LGSN: variants seen among roughly 807,000 people sequenced by gnomAD.
LGSN encodes the protein lengsin.
LGSN carries 21 observed loss-of-function variants against 19.5 expected under a neutral mutation model. That is an observed-to-expected ratio of 1.07 (90% CI 0.76 to 1.55). The LOEUF is 1.55. Among genes scored for constraint, LGSN ranks in the 40% most tolerant of loss-of-function variants. The pLI is 0.00. For synonymous variants in LGSN, 257 were observed against 215.6 expected (o/e 1.19, Z -1.68); for missense variants, 673 against 608.5 (o/e 1.11, Z -1.12).
chr6:63,514,516 C>T, the LGSN span, among the ~76,000 whole-genome samples: 96 of 152,274 alleles, frequency 6.3e-4, no homozygotes, highest in African/African-American at 2.2e-3. Context: ...CATGAGCCAC[C>T]GCACCCAGCC....
chr6:63,328,494 T>C, the LGSN span, among the ~76,000 whole-genome samples: 17 of 152,208 alleles, frequency 1.1e-4, no homozygotes, highest in African/African-American at 3.4e-4. Flanking sequence ...TCATGAGTAC[T>C]CCAGACAGTG....
chr6:63,315,190 T>C (rs1562020312), intron 1 of LGSN, among the ~76,000 whole-genome samples: 1 of 152,174 alleles, frequency 6.6e-6, no homozygotes, highest in Non-Finnish European at 1.5e-5. Flanking sequence ...TAATTAATTA[T>C]AACCAAGACC....
At chr6:63,316,182 G>C (rs547649452) in intron 1 of LGSN, among the ~76,000 whole-genome samples, 14 of 152,018 alleles carry the variant, frequency 9.2e-5, no homozygotes, top group Admixed American at 2.0e-4. Context: ...TAATAACCTA[G>C]ACCTAAGTTG....
At chr6:63,417,179 C>G in the LGSN span, among the ~76,000 whole-genome samples, 1 of 152,096 alleles carries the variant, frequency 6.6e-6, no homozygotes, top group African/African-American at 2.4e-5. Context: ...TGTCTGTTTC[C>G]CATTCCTATG....
the LGSN span, among the ~76,000 whole-genome samples, chr6:63,552,924 C>A: frequency 6.6e-6 from 1 of 152,114 alleles, no homozygotes; most frequent in South Asian, 2.1e-4. Flanking sequence ...GGTACTGTAG[C>A]CTTGTAGTAT....
the LGSN span, chr6:63,441,602 T>C: frequency 6.6e-6 from 3 of 456,736 alleles, no homozygotes; most frequent in Non-Finnish European, 1.3e-5. Flanking sequence ...AGCAGCGAGC[T>C]AAGGAAGCTC....
chr6:63,549,112 G>T, the LGSN span: 5 of 700,550 alleles, frequency 7.1e-6, no homozygotes, highest in Non-Finnish European at 1.3e-5. Context: ...AGGACAGGTG[G>T]TCTCTTAGTG....
the LGSN span, among the ~76,000 whole-genome samples, chr6:63,518,996 T>C: frequency 2.8e-4 from 43 of 152,292 alleles, no homozygotes; most frequent in African/African-American, 1.0e-3. Context: ...GTAAAGCATG[T>C]GCATATTCAC....
chr6:63,560,698 C>G, the LGSN span, among the ~76,000 whole-genome samples: 1 of 152,188 alleles, frequency 6.6e-6, no homozygotes, highest in African/African-American at 2.4e-5. Context: ...GCCACCGCAC[C>G]CAGCCACAAA....
the LGSN span, among the ~76,000 whole-genome samples, chr6:63,332,866 G>A: frequency 6.6e-6 from 1 of 152,032 alleles, no homozygotes. Flanking sequence ...GTCCGGAATT[G>A]GTGGGTTCTT....
At chr6:63,324,502 A>T (rs1029047027), upstream of LGSN, among the ~76,000 whole-genome samples, 2 of 152,222 alleles carry the variant, frequency 1.3e-5, no homozygotes, top group Admixed American at 1.3e-4. Context: ...TCCAGGACAG[A>T]CTATATGTTA....
the LGSN span, among the ~76,000 whole-genome samples, chr6:63,513,204 A>C: frequency 6.6e-6 from 1 of 152,206 alleles, no homozygotes; most frequent in East Asian, 1.9e-4. Context: ...CTTTCAAACG[A>C]GAAAGAAATG....
the LGSN span, among the ~76,000 whole-genome samples, chr6:63,335,241 C>A: frequency 1.3e-5 from 2 of 151,574 alleles, no homozygotes; most frequent in South Asian, 4.2e-4. Flanking sequence ...TGAGACTAGA[C>A]CCCTATCTCT....
chr6:63,389,913 T>C, the LGSN span, among the ~76,000 whole-genome samples: 1 of 151,844 alleles, frequency 6.6e-6, no homozygotes, highest in Non-Finnish European at 1.5e-5. Flanking sequence ...GTTTATCTCC[T>C]TTTTCTCTTC....
chr6:63,404,260 T>C, the LGSN span, among the ~76,000 whole-genome samples: 2 of 152,240 alleles, frequency 1.3e-5, no homozygotes, highest in African/African-American at 4.8e-5. Flanking sequence ...ATGTACAACT[T>C]AAAATACAAT....
the LGSN span, among the ~76,000 whole-genome samples, chr6:63,377,050 T>C: frequency 1.3e-5 from 2 of 152,208 alleles, no homozygotes; most frequent in African/African-American, 2.4e-5. Flanking sequence ...AAGAAGTAGA[T>C]AGATATGCAC....
chr6:63,400,631 T>C, the LGSN span, among the ~76,000 whole-genome samples: 1 of 152,356 alleles, frequency 6.6e-6, no homozygotes, highest in Middle Eastern at 3.4e-3. Context: ...GGGCATTTCA[T>C]ATGAAGAGTC....
At chr6:63,340,998 G>T in the LGSN span, among the ~76,000 whole-genome samples, 1 of 152,120 alleles carries the variant, frequency 6.6e-6, no homozygotes, top group Non-Finnish European at 1.5e-5. Flanking sequence ...CTTTGGTTTT[G>T]ATTATGAGTG....
At chr6:63,365,596 C>G in the LGSN span, among the ~76,000 whole-genome samples, 19,725 of 151,990 alleles carry the variant, frequency 0.13, 2,813 homozygotes, top group African/African-American at 0.36. Flanking sequence ...ATGAGGCCAG[C>G]ATCATCCTGA....
Sources: allele counts gnomAD v4.1 joint callset (sites outside exome capture counted in the v4.1 genomes callset), GRCh38; gene constraint gnomAD v4.1.1; transcripts MANE v1.5; gene names NCBI Gene and HGNC (gene_info 2026-07-23, HGNC 2026-07-21).